Variants in NOTCH2 observed in about 807,000 individuals in gnomAD.
The protein encoded by NOTCH2 is neurogenic locus notch homolog protein 2.
NOTCH2 carries 29 observed loss-of-function variants against 235.8 expected under a neutral mutation model. The observed-to-expected ratio is 0.12, with a 90% CI of 0.09 to 0.17. NOTCH2 has a LOEUF of 0.17. NOTCH2 is among the 10% of genes least tolerant of loss of function. NOTCH2 has a pLI of 1.00. For synonymous variants in NOTCH2, 1,086 were observed against 1,141.5 expected, an observed-to-expected ratio of 0.95 and a Z score of 0.98; for missense variants, 2,285 against 3,150.2, an observed-to-expected ratio of 0.73 and a Z score of 6.57.
chr1:119,922,929 A>G (rs763843720), intron 26 of NOTCH2, 151 bp from the exon 27 acceptor site: 32 of 874,626 alleles, frequency 3.7e-5, no homozygotes, highest in Non-Finnish European at 5.7e-5. Flanking sequence ...GCCTTAAGAC[A>G]TATCTCAGGA....
Position 119,946,251 on chromosome 1 carries a change from A to T in NOTCH2, c.2752+2163T>A, listed in dbSNP as rs1473963062. 3.3e-5 allele frequency among the ~76,000 whole-genome samples: 5 copies of T among 152,058 alleles called. No homozygotes were observed. The East Asian group carries it at 9.6e-4, about 29-fold the overall frequency. Reference sequence around the variant, plus strand: ...CTATATATTTGGAAGAAAACACACCAGTTCTACACAAACTCTCCCAGAAAG... The same window carrying T: ...CTATATATTTGGAAGAAAACACACCTGTTCTACACAAACTCTCCCAGAAAG... On this transcript the variant is annotated intron_variant, in intron 17 of 33. Coordinates refer to ENST00000256646, the MANE Select transcript of NOTCH2 (RefSeq NM_024408.4).
intron 22 of NOTCH2, among the ~76,000 whole-genome samples, chr1:119,934,574 T>C (rs1649780287): frequency 6.6e-6 from 1 of 152,240 alleles, no homozygotes. Context: ...ACCTCATTCC[T>C]TAATAATCAG....
intron 2 of NOTCH2, among the ~76,000 whole-genome samples, chr1:120,012,490 A>T (rs1170830453): frequency 3.9e-5 from 6 of 152,070 alleles, no homozygotes; most frequent in African/African-American, 1.2e-4. Flanking sequence ...TGTTTTTTGA[A>T]CCCAATAATT....
intron 5 of NOTCH2, among the ~76,000 whole-genome samples, chr1:119,971,855 C>T (rs1651373172): frequency 2.0e-5 from 3 of 152,176 alleles, no homozygotes; most frequent in African/African-American, 4.8e-5. Context: ...CTGAGAGATG[C>T]CTCTTGCAAC....
In NOTCH2 at chr1:119,916,082, C is replaced by T. The variant is rs2101143493; in HGVS notation, c.6640G>A (p.Ala2214Thr). Residue 2214 changes from alanine to threonine, a missense_variant, in exon 34 of 34, where the codon GCC becomes ACC. Physicochemically the swap from Ala to Thr is moderately conservative, Grantham distance 58. Transcript: ENST00000256646. Reference protein sequence around the residue: ...LHEMQPLAHGASTVLPSVSQL... With the variant: ...LHEMQPLAHGTSTVLPSVSQL... ...CTCACTGAGGGAAGCACAGTGCTGG[C>T]CCCATGTGCCAAAGGCTGCATTTCA... 6.2e-7 allele frequency: 1 copy of T among 1,613,936 alleles called. No homozygotes were observed. Among genetic ancestry groups the T allele is most frequent in the East Asian group, 2.2e-5 (1 of 44,868 alleles).
intron 11 of NOTCH2, among the ~76,000 whole-genome samples, chr1:119,960,007 A>G (rs2101131451): frequency 6.6e-6 from 1 of 152,298 alleles, no homozygotes; most frequent in South Asian, 2.1e-4. Flanking sequence ...GTGGCATGCC[A>G]AGTATGAGAG....
chr1:119,937,693 C>T (rs915759537), intron 20 of NOTCH2, among the ~76,000 whole-genome samples, 164 bp downstream of exon 20: 1 of 152,198 alleles, frequency 6.6e-6, no homozygotes, highest in Admixed American at 6.5e-5. Flanking sequence ...GAACCTATTC[C>T]TCTACCCTTA....
chr1:119,920,230 T>C lies in NOTCH2; in HGVS notation c.5478A>G (p.Pro1826=). The change falls in exon 30 of 34, where the codon CCA becomes CCG. Residue 1826 remains proline, a splice_region_variant and synonymous_variant. Transcript: ENST00000256646. ...GAGGGGAAGAGGCCCGGTGCTGACC[T>C]GGGCCACGGACATTCACATCTAACA... is the stretch of plus-strand genomic sequence containing the variant. The part of the protein sequence containing the change: ...VDVLDVNVRG[P]DGCTPLMLAS... 1.2e-6 allele frequency: 2 copies of C among 1,613,980 alleles called. No homozygotes were observed. Among genetic ancestry groups the C allele is most frequent in the Non-Finnish European group, 1.7e-6 (2 of 1,179,924 alleles).
chr1:120,005,296 T>C (rs1553206105), intron 3 of NOTCH2, 33 bp downstream of exon 3: 4 of 1,613,986 alleles, frequency 2.5e-6, no homozygotes, highest in African/African-American at 2.7e-5. Context: ...CTGCTGAAGG[T>C]AGGAAACCAC....
At chr1:119,966,117 A>G (rs1377604550) in intron 9 of NOTCH2, among the ~76,000 whole-genome samples, 1 of 152,216 alleles carries the variant, frequency 6.6e-6, no homozygotes, top group Non-Finnish European at 1.5e-5. Context: ...GTGAGGTATG[A>G]GCATTCTGAA....
intron 11 of NOTCH2, among the ~76,000 whole-genome samples, chr1:119,962,590 T>TGA (rs1257704593): frequency 6.6e-6 from 1 of 152,174 alleles, no homozygotes; most frequent in Admixed American, 6.5e-5. Flanking sequence ...TTGACAAATT[T>TGA]GAAGAAATGG....
chr1:119,926,455 G>A, intron 24 of NOTCH2, 44 bp downstream of exon 24: 4 of 1,337,582 alleles, frequency 3.0e-6, no homozygotes, highest in Non-Finnish European at 4.2e-6. Flanking sequence ...CAGATTGTAT[G>A]GAAGAGACAA....
chr1:119,931,984 G>GTGTA (rs1373733407), intron 22 of NOTCH2, among the ~76,000 whole-genome samples: 21 of 141,810 alleles, frequency 1.5e-4, no homozygotes, highest in African/African-American at 4.9e-4. Flanking sequence ...ATATATGTGT[G>GTGTA]TATATATATA....
At chr1:119,924,663 G>C (rs989651713) in intron 25 of NOTCH2, among the ~76,000 whole-genome samples, 3 of 152,090 alleles carry the variant, frequency 2.0e-5, no homozygotes, top group Non-Finnish European at 4.4e-5. Flanking sequence ...AACTTTTCAT[G>C]CTAGCTCAAT....
rs781783067 is a variant in NOTCH2, at chr1:119,955,127, C to T, written c.2132G>A (p.Gly711Glu). The change falls in exon 13 of 34, where the codon GGA (glycine) becomes GAA (glutamate). Residue 711 changes from glycine to glutamate, a missense_variant. This residue lies in a region of NOTCH2 where 1,173 missense variants were observed against 1,515.3 expected (regional missense o/e 0.77). Transcript: ENST00000256646. ...VNGFRCICPE[G>E]PHHPSCYSQV... ...TGAGTAGCAGCTGGGGTGATGGGGTCCCTCGGGGCATATACAGCGGAAACC... is the reference window on the plus strand; with the variant it reads ...TGAGTAGCAGCTGGGGTGATGGGGTTCCTCGGGGCATATACAGCGGAAACC... 2 of 1,614,090 alleles carry T rather than the reference C, an allele frequency of 1.2e-6. No homozygotes were observed. Among genetic ancestry groups the T allele is most frequent in the Admixed American group, 3.3e-5 (2 of 60,006 alleles).
In NOTCH2 at chr1:119,953,596, G is replaced by A. The variant is rs782242746; in HGVS notation, c.2312C>T (p.Thr771Ile). Reference protein sequence around the residue: ...CLSNPCQNGGTCDNLVNGYRC... With the variant: ...CLSNPCQNGGICDNLVNGYRC... Reference sequence around the variant, plus strand: ...GTATCCATTCACCAGATTGTCACAAGTTCCTCCATTCTGGCATGGATTCGA... The same window carrying A: ...GTATCCATTCACCAGATTGTCACAAATTCCTCCATTCTGGCATGGATTCGA... The change falls in exon 14 of 34, where the codon ACT (threonine) becomes ATT (isoleucine). Residue 771 changes from threonine to isoleucine, a missense_variant. This residue lies in a region of NOTCH2 where 1,173 missense variants were observed against 1,515.3 expected (regional missense o/e 0.77). Transcript: ENST00000256646. The A allele has an allele frequency of 6.2e-7, 1 of 1,614,090 alleles. No individual in the cohort carries two copies. The highest frequency in any genetic ancestry group is 8.5e-7 in the Non-Finnish European group (1 of 1,179,978).
chr1:119,925,919 G>A lies in NOTCH2; in HGVS notation c.4006-109C>T, dbSNP rs1002431697. ...CATCTCACTCCCTTCTGTACTTCCC[G>A]TTCAGCCCAAGCCAAGGTTACTAGA... On this transcript the variant is annotated intron_variant, in intron 24 of 33. Transcript: ENST00000256646. 4.2e-5 allele frequency: 55 copies of A among 1,299,036 alleles called. 1 individual carries two copies. The highest frequency in any genetic ancestry group is 1.5e-4 in the South Asian group (12 of 78,906). 80.5% of individuals were successfully genotyped at this position (1,299,036 alleles called of 1,614,324 possible). A position where few individuals can be genotyped will look rare whatever the true frequency, so the allele number is the denominator to read the frequency against.
intron 5 of NOTCH2, among the ~76,000 whole-genome samples, chr1:119,980,812 T>TGCC (rs1651784576): frequency 6.6e-6 from 1 of 152,208 alleles, no homozygotes; most frequent in Non-Finnish European, 1.5e-5. Flanking sequence ...TTACAGGAGC[T>TGCC]GCCACCAAGG....
In NOTCH2 at chr1:119,941,715, T is replaced by C. The variant is rs2101105785; in HGVS notation, c.2792A>G (p.Asn931Ser). ...QNGGSCMDGV[N>S]TFSCLCLPGF... ...CGGAAGGCAGAGGCAGGAGAAAGTA[T>C]TCACTCCATCCATACAGGAACCTCC... Residue 931 changes from asparagine to serine, a missense_variant, in exon 18 of 34, where the codon AAT becomes AGT. This residue lies in a region of NOTCH2 where 1,173 missense variants were observed against 1,515.3 expected (regional missense o/e 0.77). Coordinates refer to ENST00000256646, the MANE Select transcript of NOTCH2 (RefSeq NM_024408.4). 1.9e-6 allele frequency: 3 copies of C among 1,614,172 alleles called. No homozygotes were observed. Among genetic ancestry groups the C allele is most frequent in the Non-Finnish European group, 1.7e-6 (2 of 1,180,004 alleles).
Sources: gnomAD v4.1 joint callset for allele counts (sites outside exome capture counted in the v4.1 genomes callset) on GRCh38, gnomAD v4.1.1 for gene constraint, gnomAD v4.1.1 regional missense constraint, MANE v1.5 for transcripts, NCBI Gene and HGNC (gene_info 2026-07-23, HGNC 2026-07-21) for gene names.